The following ADAMTS2 variants were observed in gnomAD, a reference collection of about 807,000 sequenced individuals.
ADAMTS2 encodes ADAM metallopeptidase with thrombospondin type 1 motif 2.
ADAMTS2 carries 50 observed loss-of-function variants against 123.0 expected under a neutral mutation model. The ratio of observed to expected loss-of-function variants is 0.41; its 90% CI spans 0.32 to 0.51. ADAMTS2 has a LOEUF of 0.51. Ranked by LOEUF, ADAMTS2 falls within the 20% of genes least tolerant of loss-of-function variation. The pLI is 0.35. For synonymous variants in ADAMTS2, 678 were observed against 695.4 expected, an observed-to-expected ratio of 0.98 and a Z score of 0.39; for missense variants, 1,494 against 1,705.2, an observed-to-expected ratio of 0.88 and a Z score of 2.18.
At chr5:179,116,270 C>G (rs11308462) in intron 21 of ADAMTS2, among the ~76,000 whole-genome samples, 3 of 111,220 alleles carry the variant, frequency 2.7e-5, no homozygotes, top group Non-Finnish European at 3.7e-5. Context: ...ACCCCCCCCC[C>G]ACCCCCCGCC....
In ADAMTS2 at chr5:179,185,215, G is replaced by A. The variant is rs1311730465; in HGVS notation, c.892-4060C>T. ...GAGGACATGGAGGAAGGATGATGGCGGGGCATTTAAGAAGCTTACTCCAGG... is the reference window on the plus strand; with the variant it reads ...GAGGACATGGAGGAAGGATGATGGCAGGGCATTTAAGAAGCTTACTCCAGG... On this transcript the variant is annotated intron_variant, in intron 4 of 21. Transcript: ENST00000251582. The surrounding 1 kb of genome is among the most constrained non-coding windows in gnomAD (Gnocchi z 5.9). Among the ~76,000 whole-genome samples, 2 of 152,178 alleles carry A rather than the reference G, an allele frequency of 1.3e-5. No homozygotes were observed. The highest frequency in any genetic ancestry group is 2.4e-5 in the African/African-American group (1 of 41,438).
intron 5 of ADAMTS2, among the ~76,000 whole-genome samples, chr5:179,164,962 C>T (rs879788826): frequency 4.6e-5 from 7 of 152,206 alleles, no homozygotes; most frequent in Admixed American, 1.3e-4. Context: ...GCAGAGACAT[C>T]GGGGCAGCTG....
intron 4 of ADAMTS2, among the ~76,000 whole-genome samples, chr5:179,195,577 G>C (rs1764407019): frequency 6.6e-6 from 1 of 152,224 alleles, no homozygotes. Context: ...CAAGCGAGTG[G>C]AACCACGAGG....
rs938223095 is a variant in ADAMTS2 at position 179,181,771 on chromosome 5, C to T, written c.892-616G>A. Among the ~76,000 whole-genome samples, 1 of 152,198 alleles carries T rather than the reference C, an allele frequency of 6.6e-6. No homozygotes were observed. The highest frequency in any genetic ancestry group is 2.4e-5 in the African/African-American group (1 of 41,450). The stretch of plus-strand genomic sequence containing the variant: ...TGTATTTATCACAATCATATTCTTA[C>T]ACGTGTTTCATTCTTCACATTTAAA... On this transcript the variant is annotated intron_variant, in intron 4 of 21. Coordinates refer to ENST00000251582, the MANE Select transcript of ADAMTS2 (RefSeq NM_014244.5). This position sits in a 1 kb window ranked among gnomAD's most constrained non-coding sequence, Gnocchi z 4.1.
intron 3 of ADAMTS2, among the ~76,000 whole-genome samples, chr5:179,231,923 AAAAAAAG>A (rs1383406214): frequency 4.3e-5 from 4 of 93,558 alleles, no homozygotes; most frequent in South Asian, 9.0e-4. Flanking sequence ...TCTAGGAAAA[AAAAAAAG>A]AAAAAAGAAA....
Position 179,180,245 on chromosome 5 carries a change from G to C in ADAMTS2, c.975+827C>G, listed in dbSNP as rs1764016427. The stretch of plus-strand genomic sequence containing the variant: ...CACAGCATCCCGTGTTGCCATCCCA[G>C]GTCACTGTCCCTGGCGGCTACACAC... On this transcript the variant is annotated intron_variant, in intron 5 of 21. Transcript: ENST00000251582. The surrounding 1 kb of genome is among the most constrained non-coding windows in gnomAD (Gnocchi z 4.6). Among the ~76,000 whole-genome samples, 1 of 152,128 alleles carries C rather than the reference G, an allele frequency of 6.6e-6. No individual in the cohort carries two copies. Among genetic ancestry groups the C allele is most frequent in the South Asian group, 2.1e-4 (1 of 4,824 alleles).
chr5:179,191,848 GCCTCAGGCAGCACATGGATGCC>G (rs1265182830), intron 4 of ADAMTS2, among the ~76,000 whole-genome samples: 1 of 152,184 alleles, frequency 6.6e-6, no homozygotes, highest in African/African-American at 2.4e-5. Flanking sequence ...TAATGAATGG[GCCTCAGGCAGCACATGGATGCC>G]CCTCGCTCCA....
intron 2 of ADAMTS2, among the ~76,000 whole-genome samples, chr5:179,278,248 G>C (rs573358437): frequency 2.0e-5 from 3 of 149,278 alleles, no homozygotes; most frequent in Non-Finnish European, 3.0e-5. Flanking sequence ...TGCTCGGGGC[G>C]GGGGGCACTT....
At chr5:179,135,710 T>C (rs912170139) in intron 13 of ADAMTS2, among the ~76,000 whole-genome samples, 199 bp downstream of exon 13, 1 of 152,046 alleles carries the variant, frequency 6.6e-6, no homozygotes, top group Non-Finnish European at 1.5e-5. Flanking sequence ...GTCCTAGGCA[T>C]ACTCAAGTCT....
intron 3 of ADAMTS2, among the ~76,000 whole-genome samples, chr5:179,221,671 C>G (rs752748723): frequency 3.9e-5 from 6 of 152,136 alleles, no homozygotes; most frequent in Non-Finnish European, 8.8e-5. Flanking sequence ...CAGGGAAACC[C>G]CATGTGGGCG....
At chr5:179,201,321 T>C (rs981848441) in intron 4 of ADAMTS2, among the ~76,000 whole-genome samples, 6 of 152,322 alleles carry the variant, frequency 3.9e-5, no homozygotes, top group Admixed American at 6.5e-5. Flanking sequence ...TGACCTCTAA[T>C]GGAGAAATAA....
intron 10 of ADAMTS2, among the ~76,000 whole-genome samples, chr5:179,145,713 G>A (rs749765113): frequency 2.6e-5 from 4 of 152,210 alleles, no homozygotes; most frequent in East Asian, 1.9e-4. Flanking sequence ...GGAGTTGGGC[G>A]AGAGTAGGAT....
chr5:179,235,383 G>C lies in ADAMTS2; in HGVS notation c.689-27668C>G, dbSNP rs571025534. Among the ~76,000 whole-genome samples the C allele has an allele frequency of 2.6e-5, 4 of 152,294 alleles. No individual in the cohort carries two copies. In the South Asian group the frequency reaches 8.3e-4, roughly 32 times the overall value. Reference sequence around the variant, plus strand: ...CCTCAGAATAGCATGAAATGCTCAGGGTGTGTGGGACAGAACTGACGCCTT... The same window carrying C: ...CCTCAGAATAGCATGAAATGCTCAGCGTGTGTGGGACAGAACTGACGCCTT... On this transcript the variant is annotated intron_variant, in intron 3 of 21. Transcript: ENST00000251582.
chr5:179,232,970 T>A (rs1765442820), intron 3 of ADAMTS2, among the ~76,000 whole-genome samples: 1 of 152,148 alleles, frequency 6.6e-6, no homozygotes, highest in Non-Finnish European at 1.5e-5. Context: ...TGGAAGCACA[T>A]GAAATTATGC....
rs565762180 is a variant in ADAMTS2 at position 179,225,801 on chromosome 5, C to G, written c.689-18086G>C. ...TACTTCCACTCAATAAAACCTCGCA[C>G]TCATTCTCCAAGCCCACGTGTGATC... On this transcript the variant is annotated intron_variant, in intron 3 of 21. Transcript: ENST00000251582. This position sits in a 1 kb window ranked among gnomAD's most constrained non-coding sequence, Gnocchi z 4.5. 8.6e-4 allele frequency among the ~76,000 whole-genome samples: 131 copies of G among 152,320 alleles called. No individual in the cohort carries two copies. The highest frequency in any genetic ancestry group is 1.6e-3 in the Non-Finnish European group (108 of 68,032).
In ADAMTS2 at chr5:179,180,154, C is replaced by T. The variant is rs142656793; in HGVS notation, c.975+918G>A. Among the ~76,000 whole-genome samples the T allele has an allele frequency of 7.2e-5, 11 of 152,308 alleles. No individual in the cohort carries two copies. Among genetic ancestry groups the T allele is most frequent in the East Asian group, 3.9e-4 (2 of 5,170 alleles). ...TCATCCATACAAAGTGCTTCCCACA[C>T]GGCTGGTACAGGCACTTTGCAGTCT... On this transcript the variant is annotated intron_variant, in intron 5 of 21. Transcript: ENST00000251582. This position sits in a 1 kb window ranked among gnomAD's most constrained non-coding sequence, Gnocchi z 4.6.
chr5:179,134,397 AC>A (rs1219764529), intron 13 of ADAMTS2, among the ~76,000 whole-genome samples: 1 of 151,972 alleles, frequency 6.6e-6, no homozygotes, highest in East Asian at 1.9e-4. Flanking sequence ...AGATTCTTGC[AC>A]CCTAACTCAT....
chr5:179,223,540 T>TGCACTCA (rs1380265868), intron 3 of ADAMTS2, among the ~76,000 whole-genome samples: 1,663 of 36,502 alleles, frequency 0.046, 32 homozygotes, highest in African/African-American at 0.1. Flanking sequence ...GCACTCACAC[T>TGCACTCA]CACACGAATG....
chr5:179,298,450 C>T (rs774645744), intron 2 of ADAMTS2, among the ~76,000 whole-genome samples: 10 of 152,210 alleles, frequency 6.6e-5, no homozygotes, highest in Non-Finnish European at 1.2e-4. Flanking sequence ...CAGCTATGAG[C>T]GAGGAAGCAG....
Sources: allele counts gnomAD v4.1 joint callset (sites outside exome capture counted in the v4.1 genomes callset), GRCh38; gene constraint gnomAD v4.1.1; non-coding constraint Gnocchi (gnomAD v3.1); transcripts MANE v1.5; gene names NCBI Gene and HGNC (gene_info 2026-07-23, HGNC 2026-07-21).